The following SCRN1 variants were observed in gnomAD, a reference collection of about 807,000 sequenced individuals.
SCRN1 encodes the protein secernin-1.
In SCRN1, 19 loss-of-function variants were observed where a neutral mutation model predicts 43.3. The ratio of observed to expected loss-of-function variants is 0.44; its 90% CI spans 0.31 to 0.64. SCRN1 has a LOEUF of 0.64. Among genes scored for constraint, SCRN1 ranks in the 30% least tolerant of loss-of-function variants. SCRN1 has a pLI of 0.09. For missense variants in SCRN1, 447 were observed against 524.1 expected, an observed-to-expected ratio of 0.85 and a Z score of 1.44; for synonymous variants, 183 against 188.9, an observed-to-expected ratio of 0.97 and a Z score of 0.26.
chr7:29,924,703 A>C (rs1358898075), intron 7 of SCRN1, among the ~76,000 whole-genome samples: 2 of 152,170 alleles, frequency 1.3e-5, no homozygotes, highest in South Asian at 2.1e-4. Flanking sequence ...CACTCTCAAA[A>C]AATGTTCATT....
chr7:29,958,575 C>A (rs1395071181), intron 2 of SCRN1, among the ~76,000 whole-genome samples: 1 of 152,076 alleles, frequency 6.6e-6, no homozygotes, highest in African/African-American at 2.4e-5. Context: ...AATTTAGTTC[C>A]CCAAGTCAAA....
intron 2 of SCRN1, among the ~76,000 whole-genome samples, chr7:29,961,644 G>C (rs1008532623): frequency 6.6e-6 from 1 of 150,952 alleles, no homozygotes; most frequent in South Asian, 2.1e-4. Context: ...CAGTAGGGGC[G>C]GCCGGGCAGA....
rs540873781 is a variant in SCRN1 at position 29,936,406 on chromosome 7, G to A, written c.905+150C>T. On this transcript the variant is annotated intron_variant, in intron 6 of 7. Transcript: ENST00000242059. ...AGGAATTCACTTAATCAAAGCCCTT[G>A]GTGCTACACTGCCCACACTGAAGCT... The A allele has an allele frequency of 9.1e-6, 5 of 549,234 alleles. No individual in the cohort carries two copies. In the East Asian group the frequency reaches 1.2e-4, roughly 13 times the overall value. The allele number at this position is 549,234 out of a possible 1,614,324, so 34.0% of individuals were successfully genotyped here.
chr7:29,937,045 C>CA (rs1562804743), intron 5 of SCRN1, among the ~76,000 whole-genome samples: 1 of 151,640 alleles, frequency 6.6e-6, no homozygotes, highest in Non-Finnish European at 1.5e-5. Context: ...GACTCTGTCT[C>CA]AAAAAAACAA....
intron 3 of SCRN1, among the ~76,000 whole-genome samples, chr7:29,944,719 C>T (rs949745305): frequency 4.6e-5 from 7 of 151,032 alleles, no homozygotes; most frequent in African/African-American, 1.7e-4. Flanking sequence ...GGGGTGTTTT[C>T]TGTCTTTGGT....
At chr7:29,974,986 A>G (rs1007983407) in intron 1 of SCRN1, among the ~76,000 whole-genome samples, 2 of 152,188 alleles carry the variant, frequency 1.3e-5, no homozygotes, top group South Asian at 2.1e-4. Context: ...TCAGCCCTAC[A>G]TGATTCTTAA....
chr7:29,937,702 G>A (rs77986439), intron 5 of SCRN1, among the ~76,000 whole-genome samples: 19 of 152,194 alleles, frequency 1.2e-4, no homozygotes, highest in South Asian at 6.2e-4. Context: ...GACTGTTGGC[G>A]GTGACCACAG....
At chr7:29,946,097 A>G (rs1787730211) in intron 3 of SCRN1, among the ~76,000 whole-genome samples, 1 of 152,238 alleles carries the variant, frequency 6.6e-6, no homozygotes, top group Admixed American at 6.5e-5. Flanking sequence ...ATGACAATTC[A>G]TTTGACATTT....
chr7:29,947,331 A>C (rs1310254955), intron 3 of SCRN1: 1 of 1,550,676 alleles, frequency 6.4e-7, no homozygotes, highest in Non-Finnish European at 8.7e-7. Flanking sequence ...TCACTGAGAA[A>C]GATGGGTCAC....
chr7:29,972,358 A>C (rs1788692216), intron 1 of SCRN1, among the ~76,000 whole-genome samples: 1 of 152,236 alleles, frequency 6.6e-6, no homozygotes, highest in African/African-American at 2.4e-5. Context: ...TGATCCTTAA[A>C]AATGGTAGAA....
At chr7:29,967,380 A>G (rs1788530036) in intron 2 of SCRN1, among the ~76,000 whole-genome samples, 1 of 150,832 alleles carries the variant, frequency 6.6e-6, no homozygotes, top group Non-Finnish European at 1.5e-5. Context: ...CAAAATAGAA[A>G]TTCATGTATA....
chr7:29,958,097 C>CGA lies in SCRN1; in HGVS notation c.160-2739_160-2738dup, dbSNP rs1050771885. 2.0e-5 allele frequency among the ~76,000 whole-genome samples: 3 copies of CGA among 152,276 alleles called. No homozygotes were observed. In the East Asian group the frequency reaches 5.8e-4, roughly 29 times the overall value. On this transcript the variant is annotated intron_variant, in intron 2 of 7. Coordinates refer to ENST00000242059, the MANE Select transcript of SCRN1 (RefSeq NM_014766.5). ...CAATCAGCCCTCCTAAGCACCAGAC[C>CGA]GAAAGCCAGGCAGCCAGATCCCTTC...
rs1350558781 is a variant in SCRN1, at chr7:29,928,871, A to T, written c.906-2239T>A. Among the ~76,000 whole-genome samples the T allele has an allele frequency of 2.0e-5, 3 of 152,212 alleles. No individual in the cohort carries two copies. In the East Asian group the frequency reaches 5.8e-4, roughly 29 times the overall value. ...TGCAAAACCTAAAACTGTTTAAACC[A>T]ATTTTTACTATATGAAATTGAATTC... On this transcript the variant is annotated intron_variant, in intron 6 of 7. Transcript: ENST00000242059.
chr7:29,972,052 C>T (rs543715664), intron 1 of SCRN1, among the ~76,000 whole-genome samples: 4 of 152,304 alleles, frequency 2.6e-5, no homozygotes, highest in Admixed American at 1.3e-4. Context: ...TTCACAAAAA[C>T]GGCTTTATCT....
intron 6 of SCRN1, among the ~76,000 whole-genome samples, chr7:29,932,312 G>A (rs1178923337): frequency 6.6e-6 from 1 of 152,152 alleles, no homozygotes; most frequent in Non-Finnish European, 1.5e-5. Context: ...GTTTGCTCCA[G>A]TAACAAAAAG....
chr7:29,955,213 C>T lies in SCRN1; in HGVS notation c.307G>A (p.Glu103Lys), dbSNP rs371749798. 18 of 1,614,046 alleles carry T rather than the reference C, an allele frequency of 1.1e-5. No individual in the cohort carries two copies. The highest frequency in any genetic ancestry group is 1.4e-5 in the Non-Finnish European group (16 of 1,180,034). The change falls in exon 3 of 8, where the codon GAG (glutamate) becomes AAG (lysine). Residue 103 changes from glutamate to lysine, a missense_variant. Coordinates refer to ENST00000242059, the MANE Select transcript of SCRN1 (RefSeq NM_014766.5). ...TCCATCCCCAGCAAGGCTTCTATCT[C>T]GGCAGCTGGCTCTCTGGTGTTGATG... ...EAINTREPAA[E>K]IEALLGMDLV...
intron 6 of SCRN1, among the ~76,000 whole-genome samples, chr7:29,933,693 C>G (rs1787232663): frequency 6.6e-6 from 1 of 152,118 alleles, no homozygotes; most frequent in Non-Finnish European, 1.5e-5. Context: ...TTCCACTTCT[C>G]AACCTTACAT....
intron 3 of SCRN1, among the ~76,000 whole-genome samples, chr7:29,951,911 A>G (rs997878489): frequency 9.2e-5 from 14 of 152,230 alleles, no homozygotes; most frequent in African/African-American, 3.1e-4. Context: ...GGATAAGTAT[A>G]GGGGCAACTA....
At chr7:29,962,853 T>C (rs1583683103) in intron 2 of SCRN1, among the ~76,000 whole-genome samples, 2 of 152,138 alleles carry the variant, frequency 1.3e-5, no homozygotes, top group South Asian at 4.1e-4. Flanking sequence ...TTGTGGCTCC[T>C]AGACCTAAAT....
Sources: allele counts gnomAD v4.1 joint callset (sites outside exome capture counted in the v4.1 genomes callset), GRCh38; gene constraint gnomAD v4.1.1; transcripts MANE v1.5; gene names NCBI Gene and HGNC (gene_info 2026-07-23, HGNC 2026-07-21).